Variants in FTCDNL1 observed in about 807,000 individuals in gnomAD.
FTCDNL1 encodes formiminotransferase cyclodeaminase N-terminal like, also known as formiminotransferase N-terminal subdomain-containing protein.
In FTCDNL1, 11 loss-of-function variants were observed where a neutral mutation model predicts 5.9. That is an observed-to-expected ratio of 1.87 (90% CI 1.18 to 3.10). The LOEUF (loss-of-function observed/expected upper bound fraction) is 3.10. Among genes scored for constraint, FTCDNL1 ranks in the 30% most tolerant of loss-of-function variants. The probability of loss-of-function intolerance (pLI) is 0.00; values close to 1 mark genes in which losing one functional copy is unlikely to be tolerated. For missense variants in FTCDNL1, 115 were observed against 65.5 expected (o/e 1.76, Z -2.61); for synonymous variants, 58 against 24.8 (o/e 2.34, Z -3.99).
chr2:199,826,666 G>A (rs1702057859), intron 3 of FTCDNL1, among the ~76,000 whole-genome samples: 1 of 152,032 alleles, frequency 6.6e-6, no homozygotes, highest in Admixed American at 6.6e-5. Context: ...GTGGTGGCAT[G>A]CACCTGTAAT....
intron 3 of FTCDNL1, among the ~76,000 whole-genome samples, chr2:199,762,379 C>T (rs550297636): frequency 6.6e-6 from 1 of 151,608 alleles, no homozygotes; most frequent in East Asian, 1.9e-4. Context: ...AACTCTGTCT[C>T]AAAAAAAACA....
chr2:199,709,146 GTTGT>G, the FTCDNL1 span, among the ~76,000 whole-genome samples: 2 of 152,036 alleles, frequency 1.3e-5, no homozygotes, highest in Non-Finnish European at 2.9e-5. Flanking sequence ...CAGTTCTCCT[GTTGT>G]TTAAGGTAGA....
the FTCDNL1 span, among the ~76,000 whole-genome samples, chr2:199,707,101 G>A: frequency 3.3e-5 from 5 of 152,160 alleles, no homozygotes; most frequent in Non-Finnish European, 7.4e-5. Context: ...GATGATAATG[G>A]ACACTTAGTT....
the FTCDNL1 span, among the ~76,000 whole-genome samples, chr2:199,681,324 C>G: frequency 3.7e-4 from 56 of 152,172 alleles, no homozygotes; most frequent in African/African-American, 1.3e-3. Context: ...GGTGTGGTGG[C>G]ACACGCCTGT....
At chr2:199,817,525 G>A (rs1203052176) in intron 4 of FTCDNL1, among the ~76,000 whole-genome samples, 1 of 152,036 alleles carries the variant, frequency 6.6e-6, no homozygotes, top group Non-Finnish European at 1.5e-5. Context: ...GGGGGGTCAC[G>A]CCTATAATCC....
downstream of FTCDNL1, among the ~76,000 whole-genome samples, chr2:199,756,317 G>A (rs72922367): frequency 0.028 from 4,284 of 152,080 alleles, 125 homozygotes; most frequent in East Asian, 0.17. Context: ...TTTCTTCAAC[G>A]CTAACTAAGC....
chr2:199,746,412 C>T, the FTCDNL1 span, among the ~76,000 whole-genome samples: 2 of 152,098 alleles, frequency 1.3e-5, no homozygotes, highest in Non-Finnish European at 2.9e-5. Flanking sequence ...CACTCTTAGA[C>T]TTGTTGTATA....
chr2:199,811,781 A>G lies in FTCDNL1; in HGVS notation c.*924T>C, dbSNP rs1485259026. On this transcript the variant is annotated 3_prime_UTR_variant, in exon 5 of 5. Coordinates refer to ENST00000420128, the MANE Select transcript of FTCDNL1 (RefSeq NM_001363886.2). ...CTTCCCCCTGTTAGTAGAATTTCCA[A>G]AGTTGATCATTCTTGCTATAAATGA... 6.6e-6 allele frequency among the ~76,000 whole-genome samples: 1 copy of G among 152,178 alleles called. No homozygotes were observed. The highest frequency in any genetic ancestry group is 2.4e-5 in the African/African-American group (1 of 41,444).
intron 3 of FTCDNL1, among the ~76,000 whole-genome samples, chr2:199,782,188 C>T (rs1699400484): frequency 6.6e-6 from 1 of 152,182 alleles, no homozygotes; most frequent in Admixed American, 6.5e-5. Flanking sequence ...TCTCATGCTC[C>T]AGGATCCATT....
At chr2:199,733,699 G>A in the FTCDNL1 span, among the ~76,000 whole-genome samples, 1 of 152,166 alleles carries the variant, frequency 6.6e-6, no homozygotes, top group Non-Finnish European at 1.5e-5. Context: ...GTATGCAGAA[G>A]CACAGCACCT....
chr2:199,805,838 C>T (rs1700697822), downstream of FTCDNL1, among the ~76,000 whole-genome samples: 1 of 151,728 alleles, frequency 6.6e-6, no homozygotes, highest in Non-Finnish European at 1.5e-5. Flanking sequence ...AGGATCACTT[C>T]AGCCTGGGAC....
At chr2:199,680,747 G>C in the FTCDNL1 span, among the ~76,000 whole-genome samples, 2 of 152,138 alleles carry the variant, frequency 1.3e-5, no homozygotes, top group African/African-American at 4.8e-5. Flanking sequence ...TGAAGATGAC[G>C]CATAGCCTAT....
the FTCDNL1 span, among the ~76,000 whole-genome samples, chr2:199,711,727 C>T: frequency 0.03 from 4,624 of 152,208 alleles, 92 homozygotes; most frequent in Middle Eastern, 0.065. Flanking sequence ...CTAGAAGGGA[C>T]ATTGCAGTCC....
intron 3 of FTCDNL1, among the ~76,000 whole-genome samples, chr2:199,844,065 C>T (rs561348062): frequency 3.9e-5 from 6 of 152,208 alleles, no homozygotes; most frequent in Admixed American, 3.9e-4. Context: ...GCAAAACACA[C>T]CATCATTCTG....
chr2:199,766,434 G>A (rs575214961), intron 3 of FTCDNL1, among the ~76,000 whole-genome samples: 2 of 152,256 alleles, frequency 1.3e-5, no homozygotes, highest in East Asian at 3.9e-4. Flanking sequence ...TTTCCCTTAA[G>A]CTATGGCAGA....
At chr2:199,685,144 G>A in the FTCDNL1 span, among the ~76,000 whole-genome samples, 1 of 152,196 alleles carries the variant, frequency 6.6e-6, no homozygotes, top group East Asian at 1.9e-4. Flanking sequence ...ATGGTGGCCT[G>A]AACATAGAAA....
At chr2:199,788,256 G>A (rs1699756848) in intron 3 of FTCDNL1, among the ~76,000 whole-genome samples, 1 of 152,146 alleles carries the variant, frequency 6.6e-6, no homozygotes, top group Admixed American at 6.5e-5. Context: ...CCTCCCCAAA[G>A]GCATCTGTGC....
At chr2:199,835,525 G>A (rs1222009263) in intron 3 of FTCDNL1, among the ~76,000 whole-genome samples, 2 of 152,066 alleles carry the variant, frequency 1.3e-5, no homozygotes, top group Admixed American at 6.6e-5. Context: ...TAGGTGGATG[G>A]GTTGGTGGGT....
chr2:199,691,060 G>A, the FTCDNL1 span, among the ~76,000 whole-genome samples: 8 of 152,242 alleles, frequency 5.3e-5, no homozygotes, highest in Non-Finnish European at 1.2e-4. Flanking sequence ...ATTTCTATGA[G>A]TAAAATAGTT....
Sources: allele counts gnomAD v4.1 joint callset (sites outside exome capture counted in the v4.1 genomes callset), GRCh38; gene constraint gnomAD v4.1.1; transcripts MANE v1.5; gene names NCBI Gene and HGNC (gene_info 2026-07-23, HGNC 2026-07-21).